Variants in ITGB1 observed in about 807,000 individuals in gnomAD.
ITGB1 encodes the protein integrin beta-1.
A neutral mutation model predicts 86.5 loss-of-function variants in ITGB1; 24 were observed. That is an observed-to-expected ratio of 0.28 (90% CI 0.20 to 0.39). The LOEUF is 0.39. Among genes scored for constraint, ITGB1 ranks in the 10% least tolerant of loss-of-function variants. The pLI is 1.00. For synonymous variants in ITGB1, 323 were observed against 316.8 expected (o/e 1.02, Z -0.21); for missense variants, 556 against 946.9 (o/e 0.59, Z 5.42).
chr10:32,924,037 A>G (rs1230328519), intron 6 of ITGB1, among the ~76,000 whole-genome samples: 1 of 152,120 alleles, frequency 6.6e-6, no homozygotes, highest in Non-Finnish European at 1.5e-5. Flanking sequence ...TTATCATCAT[A>G]TCTCCAGCAG....
intron 1 of ITGB1, among the ~76,000 whole-genome samples, chr10:32,938,278 T>G (rs2095009019): frequency 6.6e-6 from 1 of 152,248 alleles, no homozygotes; most frequent in Non-Finnish European, 1.5e-5. Context: ...TAAAAGTTCC[T>G]GAGGAAATGC....
Position 32,911,958 on chromosome 10 carries a change from C to T in ITGB1, c.1636G>A (p.Glu546Lys). The change falls in exon 12 of 16, where the codon GAA (glutamate) becomes AAA (lysine). Residue 546 changes from glutamate to lysine, a missense_variant. Coordinates refer to ENST00000302278, the MANE Select transcript of ITGB1 (RefSeq NM_002211.4). ...TCGCAGAATTTGCCAGAATAAATTT[C>T]ATTTGTATTATCCCTCTTCCTACAA... Reference protein sequence around the residue: ...CVCRKRDNTNEIYSGKFCECD... With the variant: ...CVCRKRDNTNKIYSGKFCECD... 3.7e-6 allele frequency: 6 copies of T among 1,614,100 alleles called. No individual in the cohort carries two copies. Among genetic ancestry groups the T allele is most frequent in the Non-Finnish European group, 4.2e-6 (5 of 1,180,014 alleles).
intron 1 of ITGB1, among the ~76,000 whole-genome samples, chr10:32,937,487 C>T (rs373271374): frequency 4.4e-4 from 60 of 137,900 alleles, no homozygotes; most frequent in African/African-American, 1.5e-3. Context: ...ACCCGGGAGG[C>T]GGAGGTTGCA....
At chr10:32,907,503 T>C (rs530604871) in intron 15 of ITGB1, among the ~76,000 whole-genome samples, 3 of 152,326 alleles carry the variant, frequency 2.0e-5, no homozygotes, top group East Asian at 3.9e-4. Context: ...TTTACTGAGA[T>C]ATAATTTTCA....
chr10:32,916,245 T>C (rs2094931065), intron 11 of ITGB1, among the ~76,000 whole-genome samples: 1 of 152,206 alleles, frequency 6.6e-6, no homozygotes, highest in Non-Finnish European at 1.5e-5. Flanking sequence ...CTTTGAAAAC[T>C]GGCACAAGAC....
At chr10:32,903,351 C>CAA (rs35559257) in intron 15 of ITGB1, among the ~76,000 whole-genome samples, 5,910 of 56,106 alleles carry the variant, frequency 0.11, 446 homozygotes, top group East Asian at 0.21. Context: ...GACTCCATCT[C>CAA]AAAAAAAAAA....
chr10:32,950,016 G>T (rs1352096274), intron 1 of ITGB1, among the ~76,000 whole-genome samples: 2 of 151,940 alleles, frequency 1.3e-5, no homozygotes, highest in East Asian at 3.9e-4. Context: ...CAAATAAAAA[G>T]AATACACAAA....
chr10:32,944,602 G>C (rs1593884416), intron 1 of ITGB1: 1 of 559,176 alleles, frequency 1.8e-6, no homozygotes, highest in Non-Finnish European at 3.5e-6. Flanking sequence ...TCATGACTCA[G>C]CTGGCCCTAT....
At chr10:32,952,217 G>A (rs1176167222) in intron 1 of ITGB1, among the ~76,000 whole-genome samples, 2 of 151,996 alleles carry the variant, frequency 1.3e-5, no homozygotes, top group African/African-American at 4.8e-5. Flanking sequence ...TATATTTCTA[G>A]GTGGTCAGCA....
In ITGB1 at chr10:32,910,309, T is replaced by G; in HGVS notation, c.2078A>C (p.Glu693Ala). Residue 693 changes from glutamate (E) to alanine (A), a missense_variant, in exon 14 of 16, where the codon GAG becomes GCG. This residue lies in a region of ITGB1 where 330 missense variants were observed against 531.5 expected (regional missense o/e 0.62). Transcript: ENST00000302278. ...GAACCAACAGTCGTCAACATCCTTC[T>G]CCTTACAATGGGACACAGGATCAGG... ...VQPDPVSHCK[E>A]KDVDDCWFYF... 6.2e-7 allele frequency: 1 copy of G among 1,604,988 alleles called. No homozygotes were observed. The highest frequency in any genetic ancestry group is 8.5e-7 in the Non-Finnish European group (1 of 1,172,536).
intron 1 of ITGB1, among the ~76,000 whole-genome samples, chr10:32,954,591 G>A (rs967655194): frequency 1.3e-5 from 2 of 152,148 alleles, no homozygotes; most frequent in Non-Finnish European, 2.9e-5. Flanking sequence ...TTAAAGTGAT[G>A]AGATCAACAA....
chr10:32,952,642 C>T (rs2095044816), intron 1 of ITGB1, among the ~76,000 whole-genome samples: 1 of 152,134 alleles, frequency 6.6e-6, no homozygotes, highest in African/African-American at 2.4e-5. Flanking sequence ...AATGTGACTT[C>T]CATACTCCAA....
intron 4 of ITGB1, among the ~76,000 whole-genome samples, chr10:32,929,237 G>A (rs2094975391): frequency 6.6e-6 from 1 of 152,158 alleles, no homozygotes; most frequent in African/African-American, 2.4e-5. Flanking sequence ...CCCTGGGTCT[G>A]CGGGCTGAAG....
At chr10:32,941,910 G>T (rs910555523) in intron 1 of ITGB1, among the ~76,000 whole-genome samples, 1 of 152,144 alleles carries the variant, frequency 6.6e-6, no homozygotes, top group African/African-American at 2.4e-5. Flanking sequence ...AATGAGGTTT[G>T]TTTTATTGCA....
At position 32,928,215 on chromosome 10, in the gene ITGB1, G is replaced by C; in HGVS notation, c.426C>G (p.Pro142=). 1 of 964,266 alleles carries C rather than the reference G, an allele frequency of 1.0e-6. No homozygotes were observed. 59.7% of individuals were successfully genotyped at this position (964,266 alleles called of 1,614,324 possible). The change falls in exon 5 of 16, where the codon CCC becomes CCG. Residue 142 remains proline, a synonymous_variant. Coordinates refer to ENST00000302278, the MANE Select transcript of ITGB1 (RefSeq NM_002211.4). ...TLKFKRAEDY[P]IDLYYLMDLS... is the part of the protein sequence containing the mutation. The stretch of plus-strand genomic sequence containing the variant: ...GGTCCATAAGGTAGTAGAGGTCAAT[G>C]GGATAGTCTTCAGCTCTCTTGAATT...
At chr10:32,920,833 T>A (rs1164732046) in intron 9 of ITGB1, among the ~76,000 whole-genome samples, 7 of 110,846 alleles carry the variant, frequency 6.3e-5, no homozygotes, top group African/African-American at 9.4e-5. Context: ...AAAAAAAAAA[T>A]TTATCCAAGC....
intron 11 of ITGB1, among the ~76,000 whole-genome samples, chr10:32,914,190 G>C (rs2094924092): frequency 6.6e-6 from 1 of 152,150 alleles, no homozygotes; most frequent in South Asian, 2.1e-4. Flanking sequence ...GGAACAACTG[G>C]TACCAGCCAC....
chr10:32,925,565 T>C (rs991238323), intron 6 of ITGB1, among the ~76,000 whole-genome samples: 2 of 152,188 alleles, frequency 1.3e-5, no homozygotes, highest in Admixed American at 6.5e-5. Context: ...ACATGGGCTT[T>C]TCTAAAATCC....
At position 32,922,331 on chromosome 10, in the gene ITGB1, T is replaced by A; in HGVS notation, c.1054A>T (p.Ile352Phe). The change falls in exon 9 of 16, where the codon ATC becomes TTC. Residue 352 changes from isoleucine (I) to phenylalanine (F), a missense_variant. Transcript: ENST00000302278. Reference protein sequence around the residue: ...QPVYKELKNLIPKSAVGTLSA... With the variant: ...QPVYKELKNLFPKSAVGTLSA... ...AATGTTCCTACTGCTGACTTAGGGA[T>A]CAAGTTTTTCAGCTCCTGCAATTAA... 1 of 1,607,238 alleles carries A rather than the reference T, an allele frequency of 6.2e-7. No individual in the cohort carries two copies. The highest frequency in any genetic ancestry group is 8.5e-7 in the Non-Finnish European group (1 of 1,176,110).
Sources: allele counts gnomAD v4.1 joint callset (sites outside exome capture counted in the v4.1 genomes callset), GRCh38; gene constraint gnomAD v4.1.1; regional missense constraint gnomAD v4.1.1; transcripts MANE v1.5; gene names NCBI Gene and HGNC (gene_info 2026-07-23, HGNC 2026-07-21).